EYS: variants seen among roughly 807,000 people sequenced by gnomAD.
The protein encoded by EYS is protein eyes shut homolog.
EYS carries 250 observed loss-of-function variants against 282.1 expected under a neutral mutation model. The ratio of observed to expected loss-of-function variants is 0.89; its 90% CI spans 0.80 to 0.98. The LOEUF (loss-of-function observed/expected upper bound fraction) is 0.98. EYS is among the 50% of genes least tolerant of loss of function. The pLI, the probability that EYS is intolerant of heterozygous loss-of-function variation, is 0.00. For synonymous variants in EYS, 1,355 were observed against 1,282.9 expected, an observed-to-expected ratio of 1.06 and a Z score of -1.20; for missense variants, 4,016 against 3,709.0, an observed-to-expected ratio of 1.08 and a Z score of -2.15.
chr6:64,494,442 C>G lies in EYS; in HGVS notation c.5645-55090G>C, dbSNP rs560938072. 2.6e-5 allele frequency among the ~76,000 whole-genome samples: 4 copies of G among 151,790 alleles called. No homozygotes were observed. The East Asian group carries it at 5.8e-4, about 22-fold the overall frequency. On this transcript the variant is annotated intron_variant, in intron 26 of 42. Coordinates refer to ENST00000503581, the MANE Select transcript of EYS (RefSeq NM_001142800.2). ...CACCCAGGACTGTACCCTTCATATA[C>G]TGTGTACAGTTGTTTGTTTCTCTCA...
At chr6:63,788,911 C>A (rs2149670777) in intron 38 of EYS, 147 bp downstream of exon 38, 1 of 701,278 alleles carries the variant, frequency 1.4e-6, no homozygotes, top group South Asian at 2.6e-5. Flanking sequence ...TAATTGTAAT[C>A]ATCTCTCTAT....
intron 35 of EYS, among the ~76,000 whole-genome samples, chr6:63,882,164 T>G (rs1773149082): frequency 6.6e-6 from 1 of 152,198 alleles, no homozygotes; most frequent in Non-Finnish European, 1.5e-5. Context: ...CAGGAGTCAT[T>G]TATTACCAAA....
rs377295648 is a variant in EYS at position 65,267,132 on chromosome 6, G to C, written c.2023+28731C>G. On this transcript the variant is annotated intron_variant, in intron 12 of 42. Coordinates refer to ENST00000503581, the MANE Select transcript of EYS (RefSeq NM_001142800.2). ...ACCTCGGCTTTTCAGAAGCATGTGT[G>C]ATCCTGAAGAGATTTGAAAATACGG... Among the ~76,000 whole-genome samples the C allele has an allele frequency of 1.8e-4, 27 of 151,716 alleles. No homozygotes were observed. The East Asian group carries it at 2.9e-3, about 16-fold the overall frequency.
chr6:64,105,773 C>T (rs76605960), intron 31 of EYS, among the ~76,000 whole-genome samples: 6,417 of 152,176 alleles, frequency 0.042, 398 homozygotes, highest in African/African-American at 0.14. Context: ...GCTCATTTCT[C>T]TTTAGCACTG....
intron 31 of EYS, among the ~76,000 whole-genome samples, chr6:64,209,024 T>C (rs1439828287): frequency 6.6e-6 from 1 of 152,146 alleles, no homozygotes; most frequent in African/African-American, 2.4e-5. Context: ...TTTTACTATA[T>C]ATATTTTGCA....
Position 64,364,335 on chromosome 6 carries a change from C to T in EYS, c.6078+24355G>A, listed in dbSNP as rs184890573. Reference sequence around the variant, plus strand: ...TAATATAGAATCAGGGATTTAAACTCTATGATCTCTAAGCTGACTTTCAAC... The same window carrying T: ...TAATATAGAATCAGGGATTTAAACTTTATGATCTCTAAGCTGACTTTCAAC... On this transcript the variant is annotated intron_variant, in intron 29 of 42. Coordinates refer to ENST00000503581, the MANE Select transcript of EYS (RefSeq NM_001142800.2). 3.4e-3 allele frequency among the ~76,000 whole-genome samples: 511 copies of T among 151,980 alleles called. 10 individuals carry two copies. Among genetic ancestry groups the T allele is most frequent in the Admixed American group, 0.03 (456 of 15,226 alleles).
intron 30 of EYS, among the ~76,000 whole-genome samples, chr6:64,296,591 TATATATA>T (rs1769028990): frequency 6.5e-4 from 3 of 4,610 alleles, no homozygotes; most frequent in African/African-American, 2.4e-3. Flanking sequence ...TATACATATA[TATATATA>T]TTTTTTTTTT....
intron 28 of EYS, among the ~76,000 whole-genome samples, chr6:64,393,445 G>T (rs1773235882): frequency 6.6e-6 from 1 of 152,214 alleles, no homozygotes; most frequent in Admixed American, 6.5e-5. Context: ...GATCAAGTGG[G>T]CTTGATCCCT....
At chr6:64,333,741 T>C (rs1360157665) in intron 29 of EYS, among the ~76,000 whole-genome samples, 2 of 152,066 alleles carry the variant, frequency 1.3e-5, no homozygotes, top group African/African-American at 2.4e-5. Context: ...ACAGTTTAGG[T>C]TTTATAAATC....
At chr6:64,193,006 A>G (rs1562246721) in intron 31 of EYS, among the ~76,000 whole-genome samples, 1 of 152,222 alleles carries the variant, frequency 6.6e-6, no homozygotes, top group Non-Finnish European at 1.5e-5. Flanking sequence ...TGTCAATGCC[A>G]CATTGTTTTA....
intron 26 of EYS, among the ~76,000 whole-genome samples, chr6:64,498,376 T>C (rs1191768785): frequency 6.6e-6 from 1 of 152,156 alleles, no homozygotes; most frequent in Admixed American, 6.6e-5. Flanking sequence ...TATCTACTGG[T>C]ATGTAGATTG....
chr6:64,851,094 T>C (rs1056192701), intron 19 of EYS, among the ~76,000 whole-genome samples: 3 of 151,970 alleles, frequency 2.0e-5, no homozygotes, highest in African/African-American at 7.3e-5. Flanking sequence ...GCATTTAGAG[T>C]GGAGCAGAAA....
chr6:64,550,608 T>C (rs140243564), intron 26 of EYS, among the ~76,000 whole-genome samples: 7,783 of 152,164 alleles, frequency 0.051, 457 homozygotes, highest in African/African-American at 0.13. Flanking sequence ...AAGTTCTGGC[T>C]AGGGCAATCA....
At chr6:64,302,247 C>T (rs1769262096) in intron 30 of EYS, among the ~76,000 whole-genome samples, 1 of 152,190 alleles carries the variant, frequency 6.6e-6, no homozygotes, top group Admixed American at 6.5e-5. Flanking sequence ...TAAACAATTT[C>T]AACTTACCCA....
chr6:64,030,137 CAGAA>C (rs1289404364), intron 33 of EYS, among the ~76,000 whole-genome samples: 1 of 151,580 alleles, frequency 6.6e-6, no homozygotes, highest in East Asian at 1.9e-4. Context: ...GACAGAGAGA[CAGAA>C]AGTCAAAGAG....
intron 12 of EYS, among the ~76,000 whole-genome samples, chr6:65,204,542 T>C (rs939381737): frequency 6.6e-5 from 10 of 151,328 alleles, no homozygotes; most frequent in African/African-American, 2.2e-4. Flanking sequence ...CTCAAAAGAG[T>C]TCTAAACATG....
At chr6:64,073,641 T>C (rs1283912706) in intron 32 of EYS, among the ~76,000 whole-genome samples, 1 of 151,810 alleles carries the variant, frequency 6.6e-6, no homozygotes, top group Non-Finnish European at 1.5e-5. Context: ...TGACTATTCT[T>C]AGATAAATGT....
chr6:65,149,243 C>A (rs567680843), intron 12 of EYS, among the ~76,000 whole-genome samples: 1 of 152,112 alleles, frequency 6.6e-6, no homozygotes, highest in East Asian at 1.9e-4. Context: ...TCCTCTTGAG[C>A]ACTTTGCCAC....
At chr6:63,737,123 T>G (rs1428055023) in intron 41 of EYS, among the ~76,000 whole-genome samples, 1 of 151,226 alleles carries the variant, frequency 6.6e-6, no homozygotes, top group Non-Finnish European at 1.5e-5. Flanking sequence ...TCCAACACTA[T>G]GTTGAATAGG....
Sources: allele counts gnomAD v4.1 joint callset (sites outside exome capture counted in the v4.1 genomes callset), GRCh38; gene constraint gnomAD v4.1.1; transcripts MANE v1.5; gene names NCBI Gene and HGNC (gene_info 2026-07-23, HGNC 2026-07-21).